The following SSPN variants were observed in gnomAD, a reference collection of about 807,000 sequenced individuals.
SSPN encodes the protein sarcospan, also known as K-ras oncogene-associated protein.
A neutral mutation model predicts 19.1 loss-of-function variants in SSPN; 15 were observed. The ratio of observed to expected loss-of-function variants is 0.78; its 90% CI spans 0.52 to 1.21. The LOEUF is 1.21. Among genes scored for constraint, SSPN ranks in the 50% most tolerant of loss-of-function variants. The pLI, the probability that SSPN is intolerant of heterozygous loss-of-function variation, is 0.00. For missense variants in SSPN, 291 were observed against 314.0 expected, an observed-to-expected ratio of 0.93 and a Z score of 0.55; for synonymous variants, 147 against 140.3, an observed-to-expected ratio of 1.05 and a Z score of -0.34.
In SSPN at chr12:26,234,343, T is replaced by C. The variant is rs560258574; in HGVS notation, c.*3267T>C. ...GAGTACCTTCATATTTTCTAGAGAT[T>C]GTCTCTGAACCGTTGCTACATAGCC... On this transcript the variant is annotated 3_prime_UTR_variant, in exon 3 of 3. Transcript: ENST00000242729. The C allele has an allele frequency of 3.9e-5, 6 of 152,362 alleles. No individual in the cohort carries two copies. The East Asian group carries it at 9.6e-4, about 24-fold the overall frequency. The allele number at this position is 152,362 out of a possible 1,614,324, so 9.4% of individuals were successfully genotyped here. A position where few individuals can be genotyped will look rare whatever the true frequency, so the allele number is the denominator to read the frequency against.
At chr12:26,122,580 G>A (rs1302785301) in intron 1 of SSPN, 1 of 1,113,036 alleles carries the variant, frequency 9.0e-7, no homozygotes, top group Non-Finnish European at 1.1e-6. Context: ...CAGCGCGGCC[G>A]CGGCGGCAGG....
chr12:26,132,134 CTGA>C (rs1489080884), intron 1 of SSPN, among the ~76,000 whole-genome samples: 1 of 152,146 alleles, frequency 6.6e-6, no homozygotes, highest in East Asian at 1.9e-4. Context: ...CTTGGAATTT[CTGA>C]TGTTTGAATG....
chr12:26,205,534 A>G (rs1480955751), intron 1 of SSPN, among the ~76,000 whole-genome samples: 2 of 152,184 alleles, frequency 1.3e-5, no homozygotes, highest in Non-Finnish European at 2.9e-5. Flanking sequence ...CCTATCTCAC[A>G]TTTAGCTATG....
chr12:26,156,517 A>C (rs558557291), intron 1 of SSPN, among the ~76,000 whole-genome samples: 20 of 152,360 alleles, frequency 1.3e-4, no homozygotes, highest in African/African-American at 3.8e-4. Context: ...GAGGTCCCTC[A>C]TCAAGGCTGA....
rs68001290 is a variant in SSPN at position 26,182,766 on chromosome 12, C to CT, written c.-30-41511dup. On this transcript the variant is annotated intron_variant, in intron 1 of 2. Transcript: ENST00000538142. ...ATGTGGAGTCTTTTAAAAGTACATA[C>CT]TTTTTTTTTTTTTTTTGAGATGGAT... 3.0e-3 allele frequency among the ~76,000 whole-genome samples: 391 copies of CT among 131,566 alleles called. 2 individuals are homozygous for CT. The highest frequency in any genetic ancestry group is 0.014 in the East Asian group (63 of 4,460). The allele number at this position is 131,566 out of a possible 152,430, so 86.3% of individuals were successfully genotyped here.
At chr12:26,165,040 C>T (rs909108310) in intron 1 of SSPN, among the ~76,000 whole-genome samples, 36 of 152,284 alleles carry the variant, frequency 2.4e-4, no homozygotes, top group African/African-American at 8.4e-4. Flanking sequence ...TTTATACAAA[C>T]ATCTCATTTA....
intron 1 of SSPN, chr12:26,135,005 G>T (rs900546485): frequency 6.6e-6 from 1 of 152,324 alleles, no homozygotes; most frequent in African/African-American, 2.4e-5. Flanking sequence ...CCAGAAGGCA[G>T]TAAGCTCTGC....
intron 1 of SSPN, among the ~76,000 whole-genome samples, chr12:26,222,895 C>A (rs1205787954): frequency 6.6e-6 from 1 of 152,178 alleles, no homozygotes; most frequent in African/African-American, 2.4e-5. Flanking sequence ...TTCTCCCTCT[C>A]CAGGTCCTCC....
chr12:26,199,308 T>C (rs2137461156), intron 1 of SSPN, among the ~76,000 whole-genome samples: 1 of 152,302 alleles, frequency 6.6e-6, no homozygotes, highest in African/African-American at 2.4e-5. Context: ...TATCTATCCA[T>C]AAATGTGACT....
At chr12:26,185,500 T>C (rs1437486279) in intron 1 of SSPN, among the ~76,000 whole-genome samples, 2 of 152,154 alleles carry the variant, frequency 1.3e-5, no homozygotes, top group Non-Finnish European at 2.9e-5. Flanking sequence ...CAGCACCTTG[T>C]ACTGGTCTGA....
At chr12:26,122,331 G>C (rs1944316131) in intron 1 of SSPN, 3 of 1,155,180 alleles carry the variant, frequency 2.6e-6, no homozygotes, top group Non-Finnish European at 2.1e-6. Flanking sequence ...GGCTGCCGCC[G>C]GGGCGGGGAT....
chr12:26,131,016 A>T (rs1944394726), intron 1 of SSPN, among the ~76,000 whole-genome samples: 1 of 151,958 alleles, frequency 6.6e-6, no homozygotes, highest in Non-Finnish European at 1.5e-5. Flanking sequence ...AGTAAAGGGG[A>T]AGTGGAGACT....
At chr12:26,145,736 G>A (rs1490287184) in intron 1 of SSPN, among the ~76,000 whole-genome samples, 2 of 152,196 alleles carry the variant, frequency 1.3e-5, no homozygotes, top group African/African-American at 4.8e-5. Flanking sequence ...TTGGGTACTG[G>A]TGGAGATGAG....
intron 1 of SSPN, among the ~76,000 whole-genome samples, chr12:26,155,683 T>A (rs572350701): frequency 2.6e-5 from 4 of 152,232 alleles, no homozygotes; most frequent in African/African-American, 7.2e-5. Flanking sequence ...TCATGATAAA[T>A]GTGAAGGAAA....
chr12:26,122,488 C>A, intron 1 of SSPN: 3 of 1,324,838 alleles, frequency 2.3e-6, no homozygotes, highest in Non-Finnish European at 2.9e-6. Flanking sequence ...GGGGCCGCGG[C>A]GGCCGCGGGC....
At chr12:26,182,264 A>G (rs1022698966) in intron 1 of SSPN, among the ~76,000 whole-genome samples, 1 of 152,160 alleles carries the variant, frequency 6.6e-6, no homozygotes, top group African/African-American at 2.4e-5. Context: ...AGCATTCACT[A>G]TGGGGAGTGG....
At chr12:26,193,629 G>A (rs1011548947), upstream of SSPN, among the ~76,000 whole-genome samples, 1 of 152,166 alleles carries the variant, frequency 6.6e-6, no homozygotes, top group African/African-American at 2.4e-5. Context: ...TGGGTGTCCT[G>A]GTATAACGCC....
chr12:26,146,316 T>A (rs531408616), intron 1 of SSPN, among the ~76,000 whole-genome samples: 1 of 152,320 alleles, frequency 6.6e-6, no homozygotes, highest in East Asian at 1.9e-4. Context: ...ATACCCATGT[T>A]CTTAAGCTGA....
intron 1 of SSPN, among the ~76,000 whole-genome samples, chr12:26,153,513 G>A (rs553718750): frequency 6.6e-6 from 1 of 152,268 alleles, no homozygotes; most frequent in Admixed American, 6.5e-5. Context: ...CCATCACCTA[G>A]AATAGTGCCT....
Sources: allele counts gnomAD v4.1 joint callset (sites outside exome capture counted in the v4.1 genomes callset), GRCh38; gene constraint gnomAD v4.1.1; transcripts MANE v1.5; gene names NCBI Gene and HGNC (gene_info 2026-07-23, HGNC 2026-07-21).